The following NCOA2 variants were observed in gnomAD, a reference collection of about 807,000 sequenced individuals.
NCOA2 encodes nuclear receptor coactivator 2.
NCOA2 carries 21 observed loss-of-function variants against 145.1 expected under a neutral mutation model. The ratio of observed to expected loss-of-function variants is 0.14; its 90% CI spans 0.10 to 0.21. NCOA2 has a LOEUF of 0.21. Ranked by LOEUF, NCOA2 falls within the 10% of genes least tolerant of loss-of-function variation. The probability of loss-of-function intolerance (pLI) is 1.00; values close to 1 mark genes in which losing one functional copy is unlikely to be tolerated. For missense variants in NCOA2, 1,472 were observed against 1,837.6 expected (o/e 0.80, Z 3.64); for synonymous variants, 619 against 637.5 (o/e 0.97, Z 0.44).
chr8:70,361,145 A>G (rs1810163498), intron 1 of NCOA2, among the ~76,000 whole-genome samples: 1 of 152,184 alleles, frequency 6.6e-6, no homozygotes, highest in African/African-American at 2.4e-5. Context: ...ATCTGTTATC[A>G]TTTTATAATA....
chr8:70,379,730 AT>A (rs984722496), intron 1 of NCOA2, among the ~76,000 whole-genome samples: 4 of 152,112 alleles, frequency 2.6e-5, no homozygotes, highest in Admixed American at 6.6e-5. Flanking sequence ...CAGGATTGAG[AT>A]TTTTTTAAAA....
At chr8:70,447,096 T>C in the NCOA2 span, among the ~76,000 whole-genome samples, 1 of 152,230 alleles carries the variant, frequency 6.6e-6, no homozygotes, top group Admixed American at 6.5e-5. Context: ...AAGATACATA[T>C]GAATGAATTT....
chr8:70,417,854 T>C, the NCOA2 span, among the ~76,000 whole-genome samples: 1 of 152,220 alleles, frequency 6.6e-6, no homozygotes, highest in Non-Finnish European at 1.5e-5. Flanking sequence ...TAGTTTCCCC[T>C]GGCAATCAGA....
Position 70,257,006 on chromosome 8 carries a change from C to T in NCOA2, c.-20+39738G>A, listed in dbSNP as rs771047864. On this transcript the variant is annotated intron_variant, in intron 2 of 22. Transcript: ENST00000452400. ...TATTTACTGGGCACAAACAATGTGC[C>T]AGCCACTCTGATAGGCGTCATCTTC... 1.1e-4 allele frequency among the ~76,000 whole-genome samples: 17 copies of T among 152,292 alleles called. 1 individual carries two copies. The East Asian group carries it at 1.2e-3, about 10-fold the overall frequency.
chr8:70,273,896 T>C, intron 2 of NCOA2: 4 of 504,658 alleles, frequency 7.9e-6, no homozygotes, highest in Non-Finnish European at 1.5e-5. Context: ...AAGAAGTTAC[T>C]GGGAGCTGCT....
the NCOA2 span, among the ~76,000 whole-genome samples, chr8:70,435,424 C>CAAAAAAAAAA: frequency 9.6e-3 from 194 of 20,154 alleles, 10 homozygotes; most frequent in African/African-American, 0.015. Context: ...GACTCCGTCT[C>CAAAAAAAAAA]AAAAAAAAAA....
In NCOA2 at chr8:70,392,380, A is replaced by G. The variant is rs181662505; in HGVS notation, c.-77+11320T>C. On this transcript the variant is annotated intron_variant, in intron 1 of 22. Transcript: ENST00000452400. ...GGCAGAAAATGAATAAATGACAGACAGATGGATAGCCTTCTGACTTATTCT... is the reference window on the plus strand; with the variant it reads ...GGCAGAAAATGAATAAATGACAGACGGATGGATAGCCTTCTGACTTATTCT... Among the ~76,000 whole-genome samples the G allele has an allele frequency of 2.0e-4, 31 of 152,392 alleles. No homozygotes were observed. In the East Asian group the frequency reaches 4.8e-3, roughly 24 times the overall value.
intron 4 of NCOA2, among the ~76,000 whole-genome samples, chr8:70,201,851 T>C (rs183799274): frequency 6.6e-6 from 1 of 152,148 alleles, no homozygotes; most frequent in East Asian, 1.9e-4. Flanking sequence ...AGAAAGGAGA[T>C]GTCAATGCCA....
intron 15 of NCOA2, among the ~76,000 whole-genome samples, chr8:70,132,402 A>C (rs766802064): frequency 1.3e-5 from 2 of 152,190 alleles, no homozygotes; most frequent in Non-Finnish European, 2.9e-5. Flanking sequence ...GGAATCACGG[A>C]TTGACTTAAG....
intron 1 of NCOA2, among the ~76,000 whole-genome samples, chr8:70,312,317 T>C (rs1219954903): frequency 1.3e-5 from 2 of 152,236 alleles, no homozygotes; most frequent in Non-Finnish European, 2.9e-5. Context: ...TCAAGACTCC[T>C]GGAACAAGAA....
Position 70,306,198 on chromosome 8 carries a change from C to T in NCOA2, c.-76-9398G>A, listed in dbSNP as rs139585719. Among the ~76,000 whole-genome samples, 316 of 152,214 alleles carry T rather than the reference C, an allele frequency of 2.1e-3. 2 individuals are homozygous for T. In the Middle Eastern group the frequency reaches 0.034, roughly 16 times the overall value. On this transcript the variant is annotated intron_variant, in intron 1 of 22. Transcript: ENST00000452400. Reference sequence around the variant, plus strand: ...AGATCTAGAGCAAACTTAGAAATCACGTTTCAACTACTGAGTTTCACAGAT... The same window carrying T: ...AGATCTAGAGCAAACTTAGAAATCATGTTTCAACTACTGAGTTTCACAGAT...
intron 2 of NCOA2, chr8:70,273,515 T>G (rs1434610783): frequency 1.5e-6 from 1 of 679,532 alleles, no homozygotes; most frequent in East Asian, 3.2e-5. Context: ...CTTAAAGAAG[T>G]TAGAAATCTC....
intron 2 of NCOA2, among the ~76,000 whole-genome samples, chr8:70,279,666 G>A (rs1485085635): frequency 6.6e-6 from 1 of 152,144 alleles, no homozygotes; most frequent in Admixed American, 6.5e-5. Context: ...TCAGCCCCCT[G>A]GCAAGATTGG....
chr8:70,398,219 A>C (rs757611082), intron 1 of NCOA2, among the ~76,000 whole-genome samples: 2 of 152,218 alleles, frequency 1.3e-5, no homozygotes, highest in Non-Finnish European at 2.9e-5. Flanking sequence ...GCACTTTGGG[A>C]AGCCAAGGGG....
intron 1 of NCOA2, among the ~76,000 whole-genome samples, chr8:70,371,352 T>C (rs1811198904): frequency 6.6e-6 from 1 of 151,884 alleles, no homozygotes; most frequent in Non-Finnish European, 1.5e-5. Flanking sequence ...CACCTGAAAA[T>C]GGTTAAGATA....
chr8:70,175,866 T>C (rs1423251398), intron 4 of NCOA2, among the ~76,000 whole-genome samples: 1 of 68,924 alleles, frequency 1.5e-5, no homozygotes, highest in Non-Finnish European at 3.9e-5. Flanking sequence ...AGAACCTTAA[T>C]AATTTTTTTT....
intron 4 of NCOA2, among the ~76,000 whole-genome samples, chr8:70,206,972 C>G (rs1347437566): frequency 6.6e-6 from 1 of 152,190 alleles, no homozygotes; most frequent in Non-Finnish European, 1.5e-5. Context: ...TAATCACATT[C>G]CTTTCCATTG....
intron 16 of NCOA2, among the ~76,000 whole-genome samples, chr8:70,130,290 C>A (rs940910143): frequency 6.6e-6 from 1 of 152,072 alleles, no homozygotes; most frequent in African/African-American, 2.4e-5. Flanking sequence ...AGTTTCATGA[C>A]AATATTATAA....
chr8:70,414,990 G>A, the NCOA2 span, among the ~76,000 whole-genome samples: 1 of 151,942 alleles, frequency 6.6e-6, no homozygotes, highest in African/African-American at 2.4e-5. Flanking sequence ...GTGAAAATTT[G>A]TTCAGTTTCT....
Sources: gnomAD v4.1 joint callset for allele counts (sites outside exome capture counted in the v4.1 genomes callset) on GRCh38, gnomAD v4.1.1 for gene constraint, MANE v1.5 for transcripts, NCBI Gene and HGNC (gene_info 2026-07-23, HGNC 2026-07-21) for gene names.